The following ANXA13 variants were observed in gnomAD, a reference collection of about 807,000 sequenced individuals.
ANXA13 encodes the protein annexin XIII.
ANXA13 carries 36 observed loss-of-function variants against 46.6 expected under a neutral mutation model. The ratio of observed to expected loss-of-function variants is 0.77; its 90% CI spans 0.59 to 1.02. The LOEUF (loss-of-function observed/expected upper bound fraction) is 1.02, where lower values mean the gene tolerates loss of function less well. Ranked by LOEUF, ANXA13 falls within the 50% of genes least tolerant of loss-of-function variation. The pLI, the probability that ANXA13 is intolerant of heterozygous loss-of-function variation, is 0.00. For synonymous variants in ANXA13, 163 were observed against 152.9 expected, an observed-to-expected ratio of 1.07 and a Z score of -0.49; for missense variants, 417 against 396.5, an observed-to-expected ratio of 1.05 and a Z score of -0.44.
intron 9 of ANXA13, among the ~76,000 whole-genome samples, chr8:123,685,139 C>T (rs1813117305): frequency 1.3e-5 from 2 of 152,172 alleles, no homozygotes; most frequent in South Asian, 4.1e-4. Flanking sequence ...GTTGGACAGC[C>T]GCCTGCTCTC....
chr8:123,682,607 TG>T (rs1448745184), intron 10 of ANXA13, among the ~76,000 whole-genome samples: 1 of 152,134 alleles, frequency 6.6e-6, no homozygotes, highest in Admixed American at 6.5e-5. Context: ...GCAGTGGATG[TG>T]GAGCAGGTGG....
chr8:123,728,334 G>T (rs1814042796), intron 1 of ANXA13: 1 of 152,322 alleles, frequency 6.6e-6, no homozygotes, highest in Non-Finnish European at 1.5e-5. Flanking sequence ...AGAGAACTTG[G>T]AGGATAAAGT....
At chr8:123,697,440 T>C (rs565755433) in intron 4 of ANXA13, among the ~76,000 whole-genome samples, 6 of 152,210 alleles carry the variant, frequency 3.9e-5, no homozygotes, top group African/African-American at 1.2e-4. Flanking sequence ...TTTATTATCT[T>C]GTGGGGAGAA....
In ANXA13 at chr8:123,693,200, T is replaced by G; in HGVS notation, c.639A>C (p.Gln213His). The G allele has an allele frequency of 6.2e-7, 1 of 1,613,926 alleles. No homozygotes were observed. Among genetic ancestry groups the G allele is most frequent in the Non-Finnish European group, 8.5e-7 (1 of 1,179,824 alleles). The part of the protein sequence containing the change: ...KQLRATFQAY[Q>H]ILIGKDIEEA... ...GCCCCAATACTTTATGACTTACAATTTGATAGGCTTGAAAGGTGGCTCGTA... is the reference window on the plus strand; with the variant it reads ...GCCCCAATACTTTATGACTTACAATGTGATAGGCTTGAAAGGTGGCTCGTA... The change falls in exon 8 of 11, where the codon CAA becomes CAC. Residue 213 changes from glutamine (Q) to histidine (H), a missense_variant. Transcript: ENST00000419625.
intron 1 of ANXA13, among the ~76,000 whole-genome samples, chr8:123,719,829 C>A (rs1041444435): frequency 6.6e-6 from 1 of 152,196 alleles, no homozygotes; most frequent in South Asian, 2.1e-4. Flanking sequence ...GGTTGTACCA[C>A]CTTGGGCAAG....
intron 2 of ANXA13, among the ~76,000 whole-genome samples, chr8:123,710,221 C>T (rs1030719565): frequency 6.6e-6 from 1 of 152,182 alleles, no homozygotes; most frequent in Non-Finnish European, 1.5e-5. Flanking sequence ...ATGTAAAAAA[C>T]CTATCACTTG....
chr8:123,688,757 G>T (rs1173660484), intron 9 of ANXA13, 114 bp downstream of exon 9: 5 of 886,198 alleles, frequency 5.6e-6, no homozygotes, highest in Middle Eastern at 2.2e-4. Context: ...GTGCTGCTTA[G>T]ACCTGTTGAC....
intron 7 of ANXA13, 124 bp downstream of exon 7, chr8:123,693,580 AAAGATCT>A: frequency 1.2e-6 from 1 of 811,888 alleles, no homozygotes; most frequent in Non-Finnish European, 2.0e-6. Flanking sequence ...TATGATCTAG[AAAGATCT>A]AAGCATATCT....
At chr8:123,723,501 G>T (rs986022571) in intron 1 of ANXA13, among the ~76,000 whole-genome samples, 5 of 152,200 alleles carry the variant, frequency 3.3e-5, no homozygotes, top group Non-Finnish European at 4.4e-5. Context: ...CAGGATGGTT[G>T]GCCCTGCTAG....
At chr8:123,697,591 G>T (rs553324261) in intron 4 of ANXA13, among the ~76,000 whole-genome samples, 1 of 152,184 alleles carries the variant, frequency 6.6e-6, no homozygotes, top group East Asian at 1.9e-4. Flanking sequence ...GGCACTGTTT[G>T]CATTTTGCCT....
chr8:123,710,138 A>C (rs1813627876), intron 2 of ANXA13, among the ~76,000 whole-genome samples: 2 of 152,214 alleles, frequency 1.3e-5, no homozygotes, highest in African/African-American at 4.8e-5. Flanking sequence ...GGAGCCATAC[A>C]AAAAATTTGT....
intron 1 of ANXA13, chr8:123,728,495 A>G (rs1814046499): frequency 6.6e-6 from 1 of 152,222 alleles, no homozygotes; most frequent in Non-Finnish European, 1.5e-5. Flanking sequence ...CAATGAGAGT[A>G]TGAACATGGG....
chr8:123,684,092 G>A (rs1038576070), intron 10 of ANXA13, among the ~76,000 whole-genome samples: 1 of 152,196 alleles, frequency 6.6e-6, no homozygotes, highest in Non-Finnish European at 1.5e-5. Context: ...TTCTTGTGGG[G>A]AAGGGATGGC....
chr8:123,688,004 G>C lies in ANXA13; in HGVS notation c.718+867C>G, dbSNP rs189133523. Among the ~76,000 whole-genome samples the C allele has an allele frequency of 3.5e-3, 533 of 152,250 alleles. 5 individuals carry two copies. Among genetic ancestry groups the C allele is most frequent in the African/African-American group, 0.012 (505 of 41,556 alleles). ...TGAAAACATTGAAAGGAACCAAATG[G>C]AAAAGGAAACCTGTGAGCTATCAGG... On this transcript the variant is annotated intron_variant, in intron 9 of 10. Coordinates refer to ENST00000419625, the MANE Select transcript of ANXA13 (RefSeq NM_004306.4).
Position 123,705,421 on chromosome 8 carries a change from C to A in ANXA13, c.92-2685G>T, listed in dbSNP as rs116368791. Among the ~76,000 whole-genome samples, 1,230 of 152,354 alleles carry A rather than the reference C, an allele frequency of 8.1e-3. 20 individuals carry two copies. The highest frequency in any genetic ancestry group is 0.027 in the African/African-American group (1,131 of 41,580). On this transcript the variant is annotated intron_variant, in intron 2 of 10. Transcript: ENST00000419625. ...CTTCCCGCAGTTTGGTGTCATGCTACTCTTCTAGATCCATCTCTGCACAGA... is the reference window on the plus strand; with the variant it reads ...CTTCCCGCAGTTTGGTGTCATGCTAATCTTCTAGATCCATCTCTGCACAGA...
At position 123,724,871 on chromosome 8, in the gene ANXA13, G is replaced by C. The variant is rs372144072; in HGVS notation, c.16-12118C>G. Among the ~76,000 whole-genome samples the C allele has an allele frequency of 1.1e-4, 16 of 152,252 alleles. No individual in the cohort carries two copies. In the East Asian group the frequency reaches 2.9e-3, roughly 28 times the overall value. ...TATTTTTGTAAATAAAGTTTTATTG[G>C]AACACAGCCAACCCATTCATTTACA... On this transcript the variant is annotated intron_variant, in intron 1 of 10. Coordinates refer to ENST00000419625, the MANE Select transcript of ANXA13 (RefSeq NM_004306.4).
intron 10 of ANXA13, among the ~76,000 whole-genome samples, chr8:123,683,564 C>T (rs2129814098): frequency 6.7e-6 from 1 of 149,474 alleles, no homozygotes; most frequent in South Asian, 2.1e-4. Context: ...GGCCCCATAT[C>T]CCGAACTGTT....
chr8:123,712,835 G>T, intron 1 of ANXA13, 82 bp from the exon 2 acceptor site: 6 of 1,186,064 alleles, frequency 5.1e-6, no homozygotes, highest in East Asian at 2.4e-5. Context: ...GCAAACTGGA[G>T]GACCAAATAG....
chr8:123,723,308 G>C (rs1201013958), intron 1 of ANXA13, among the ~76,000 whole-genome samples: 1 of 152,230 alleles, frequency 6.6e-6, no homozygotes, highest in Non-Finnish European at 1.5e-5. Flanking sequence ...CAACAGTGGA[G>C]AATGTTTCTA....
Sources: gnomAD v4.1 joint callset for allele counts (sites outside exome capture counted in the v4.1 genomes callset) on GRCh38, gnomAD v4.1.1 for gene constraint, MANE v1.5 for transcripts, NCBI Gene and HGNC (gene_info 2026-07-23, HGNC 2026-07-21) for gene names.